Variants in MANSC4 observed in about 807,000 individuals in gnomAD.
The protein encoded by MANSC4 is MANSC domain containing 4.
MANSC4 carries 11 observed loss-of-function variants against 11.4 expected under a neutral mutation model. That is an observed-to-expected ratio of 0.97 (90% CI 0.61 to 1.60). MANSC4 has a LOEUF of 1.60. Among genes scored for constraint, MANSC4 ranks in the 40% most tolerant of loss-of-function variants. The pLI, the probability that MANSC4 is intolerant of heterozygous loss-of-function variation, is 0.00. For missense variants in MANSC4, 354 were observed against 404.6 expected (o/e 0.88, Z 1.07); for synonymous variants, 123 against 147.1 (o/e 0.84, Z 1.19).
rs999482077 is a variant in MANSC4, at chr12:27,777,935, AT to A, written c.-307+2274del. The stretch of plus-strand genomic sequence containing the variant: ...CTATCTCTATGGAAAAAAAAAATGC[AT>A]TTTTTTTTGCTGGGCATGGAGGCTC... On this transcript the variant is annotated intron_variant, in intron 1 of 3. Coordinates refer to ENST00000381273, the MANE Select transcript of MANSC4 (RefSeq NM_001146221.5). Among the ~76,000 whole-genome samples the A allele has an allele frequency of 1.8e-4, 27 of 150,216 alleles. 1 individual carries two copies. Among genetic ancestry groups the A allele is most frequent in the African/African-American group, 6.1e-4 (25 of 41,014 alleles).
At chr12:27,763,980 G>T (rs992321362) in intron 3 of MANSC4, among the ~76,000 whole-genome samples, 3 of 152,084 alleles carry the variant, frequency 2.0e-5, no homozygotes, top group African/African-American at 7.2e-5. Context: ...CGATCCGCCC[G>T]CCTCGGCCTA....
At chr12:27,763,905 A>AT (rs201048976) in intron 3 of MANSC4, among the ~76,000 whole-genome samples, 6,047 of 151,388 alleles carry the variant, frequency 0.04, 382 homozygotes, top group African/African-American at 0.14. Context: ...TAATTTTTGT[A>AT]TTTTTTTTGT....
At chr12:27,779,267 G>A (rs553319765) in intron 1 of MANSC4, among the ~76,000 whole-genome samples, 2 of 152,290 alleles carry the variant, frequency 1.3e-5, no homozygotes, top group South Asian at 4.1e-4. Flanking sequence ...AGACATTTAT[G>A]AGCCAATTTT....
Position 27,771,118 on chromosome 12 carries a change from G to A in MANSC4, c.159C>T (p.Ala53=). The A allele has an allele frequency of 6.4e-7, 1 of 1,551,750 alleles. No homozygotes were observed. Among genetic ancestry groups the A allele is most frequent in the Admixed American group, 2.0e-5 (1 of 50,994 alleles). The part of the protein sequence containing the change: ...INLEESQKLG[A]QFLKYYSEST... Reference sequence around the variant, plus strand: ...TTTCAGAATAATACTTCAAGAACTGGGCTCCCAGCTTCTGAGACTCCTCCA... The same window carrying A: ...TTTCAGAATAATACTTCAAGAACTGAGCTCCCAGCTTCTGAGACTCCTCCA... The change falls in exon 2 of 4, where the codon GCC becomes GCT. Residue 53 remains alanine, a synonymous_variant. Transcript: ENST00000381273.
At chr12:27,770,926 C>G in intron 2 of MANSC4, 122 bp downstream of exon 2, 2 of 705,128 alleles carry the variant, frequency 2.8e-6, no homozygotes, top group African/African-American at 1.8e-5. Context: ...TCTCCCACAC[C>G]CTAGGGCATC....
At position 27,771,058 on chromosome 12, in the gene MANSC4, A is replaced by G; in HGVS notation, c.219T>C (p.Leu73=). The G allele has an allele frequency of 1.3e-6, 2 of 1,550,154 alleles. No individual in the cohort carries two copies. Among genetic ancestry groups the G allele is most frequent in the Non-Finnish European group, 1.7e-6 (2 of 1,146,492 alleles). Residue 73 remains leucine, a synonymous_variant, in exon 2 of 4, where the codon CTT becomes CTC. Transcript: ENST00000381273. ...TGQKCSRSCC[L]RKDVSCNLAV... ...ATCATGAATACTTACCATCCTTCCG[A>G]AGACAGCAGCTCCTACTGCACTTCT...
chr12:27,766,894 GGA>G, intron 2 of MANSC4, 95 bp from the exon 3 acceptor site: 1 of 1,324,460 alleles, frequency 7.6e-7, no homozygotes, highest in Non-Finnish European at 1.0e-6. Flanking sequence ...CAGGAATACT[GGA>G]TTAACAGTAT....
At chr12:27,769,377 C>T (rs892853476) in intron 2 of MANSC4, among the ~76,000 whole-genome samples, 1 of 152,290 alleles carries the variant, frequency 6.6e-6, no homozygotes, top group Middle Eastern at 3.4e-3. Context: ...CAGCTAAAAA[C>T]TGGAATGTGC....
At chr12:27,770,275 G>A (rs1450826487) in intron 2 of MANSC4, among the ~76,000 whole-genome samples, 3 of 152,032 alleles carry the variant, frequency 2.0e-5, no homozygotes, top group Non-Finnish European at 4.4e-5. Context: ...CTGCCTCCTG[G>A]GTTCAAGCGA....
At chr12:27,764,807 A>G (rs1282653920) in intron 3 of MANSC4, among the ~76,000 whole-genome samples, 4 of 151,806 alleles carry the variant, frequency 2.6e-5, no homozygotes, top group African/African-American at 4.8e-5. Context: ...CTTCATTGGC[A>G]TCATCATTCT....
intron 2 of MANSC4, among the ~76,000 whole-genome samples, chr12:27,768,477 A>T (rs2062084498): frequency 6.6e-6 from 1 of 151,992 alleles, no homozygotes; most frequent in South Asian, 2.1e-4. Flanking sequence ...GGAAGAGAAG[A>T]CTTAAAAAGA....
chr12:27,776,257 CT>C (rs1306590117), intron 1 of MANSC4, among the ~76,000 whole-genome samples: 1 of 152,120 alleles, frequency 6.6e-6, no homozygotes, highest in East Asian at 1.9e-4. Flanking sequence ...ATGTAAAGCA[CT>C]TACAACAGTG....
At chr12:27,770,517 C>T (rs1361276745) in intron 2 of MANSC4, among the ~76,000 whole-genome samples, 1 of 145,078 alleles carries the variant, frequency 6.9e-6, no homozygotes, top group Non-Finnish European at 1.6e-5. Flanking sequence ...ATACTAATAT[C>T]ACAAAATGTA....
intron 2 of MANSC4, among the ~76,000 whole-genome samples, 183 bp from the exon 3 acceptor site, chr12:27,766,982 C>CT (rs368458323): frequency 0.012 from 1,844 of 152,074 alleles, 33 homozygotes; most frequent in African/African-American, 0.041. Flanking sequence ...ATGGAAAATA[C>CT]TTTTTTTTAT....
intron 2 of MANSC4, among the ~76,000 whole-genome samples, chr12:27,769,059 G>C (rs562626117): frequency 1.3e-5 from 2 of 152,340 alleles, no homozygotes; most frequent in African/African-American, 4.8e-5. Context: ...ACTGTGAGGA[G>C]TTAATCTCCA....
chr12:27,763,961 G>A (rs2062060155), intron 3 of MANSC4, among the ~76,000 whole-genome samples: 1 of 152,068 alleles, frequency 6.6e-6, no homozygotes, highest in Non-Finnish European at 1.5e-5. Context: ...CCAAACTTGT[G>A]AGCTCAAGCG....
chr12:27,766,793 C>A lies in MANSC4; in HGVS notation c.236G>T (p.Cys79Phe), dbSNP rs771200039. 2 of 1,550,532 alleles carry A rather than the reference C, an allele frequency of 1.3e-6. No homozygotes were observed. The highest frequency in any genetic ancestry group is 3.9e-5 in the Admixed American group (2 of 50,694). ...ACTGTGGTAGAAGACAGCCAGGTTA[C>A]AGGAAACTGAAAGGGAAACAAGCGA... The part of the protein sequence containing the change: ...RSCCLRKDVS[C>F]NLAVFYHSPI... Residue 79 changes from cysteine (C) to phenylalanine (F), a missense_variant, in exon 3 of 4, where the codon TGT becomes TTT. Transcript: ENST00000381273.
Position 27,780,193 on chromosome 12 carries a change from GCGCGGGCGGC to G in MANSC4, c.-307+7_-307+16del. Reference sequence around the variant, plus strand: ...AGGGGCCGCCGGAGAGGCCGGGCGAGCGCGGGCGGCCCTCACCTCGCCGCTCCTCCCGGGC... The same window carrying G: ...AGGGGCCGCCGGAGAGGCCGGGCGAGCCTCACCTCGCCGCTCCTCCCGGGC... On this transcript the variant is annotated splice_region_variant and intron_variant, in intron 1 of 3. Coordinates refer to ENST00000381273, the MANE Select transcript of MANSC4 (RefSeq NM_001146221.5). The surrounding 1 kb of genome is among the most constrained non-coding windows in gnomAD (Gnocchi z 8.8). 1 of 574,446 alleles carries G rather than the reference GCGCGGGCGGC, an allele frequency of 1.7e-6. No homozygotes were observed. The highest frequency in any genetic ancestry group is 4.9e-5 in the East Asian group (1 of 20,242). The allele number at this position is 574,446 out of a possible 1,614,324, so 35.6% of individuals were successfully genotyped here.
chr12:27,767,052 T>C (rs1227113327), intron 2 of MANSC4, among the ~76,000 whole-genome samples: 1 of 152,154 alleles, frequency 6.6e-6, no homozygotes, highest in Non-Finnish European at 1.5e-5. Context: ...CGATTACAGC[T>C]CACTGCAGCC....
Sources: allele counts gnomAD v4.1 joint callset (sites outside exome capture counted in the v4.1 genomes callset), GRCh38; gene constraint gnomAD v4.1.1; non-coding constraint Gnocchi (gnomAD v3.1); transcripts MANE v1.5; gene names NCBI Gene and HGNC (gene_info 2026-07-23, HGNC 2026-07-21).